Variants in PHKA1 observed in about 807,000 individuals in gnomAD.
PHKA1 encodes the protein phosphorylase kinase regulatory subunit alpha 1.
Under a neutral mutation model 110.2 loss-of-function variants are expected in PHKA1, and 60 were observed. The observed-to-expected ratio is 0.54, with a 90% CI of 0.44 to 0.68. The LOEUF (loss-of-function observed/expected upper bound fraction) is 0.68. PHKA1 is among the 30% of genes least tolerant of loss of function. The probability of loss-of-function intolerance (pLI) is 0.00; values close to 1 mark genes in which losing one functional copy is unlikely to be tolerated. For missense variants in PHKA1, 801 were observed against 942.5 expected (o/e 0.85, Z 1.97); for synonymous variants, 316 against 333.6 (o/e 0.95, Z 0.58).
chrX:72,586,296 G>A (rs782022032), intron 29 of PHKA1, among the ~76,000 whole-genome samples: 19 of 112,256 alleles, frequency 1.7e-4, no homozygotes, highest in Admixed American at 5.6e-4. Flanking sequence ...AGGGTCTGGA[G>A]GGGACCTCCA....
intron 28 of PHKA1, among the ~76,000 whole-genome samples, chrX:72,595,407 T>C: frequency 9.0e-6 from 1 of 111,064 alleles, no homozygotes; most frequent in Admixed American, 9.6e-5. Flanking sequence ...TGTCCACTCT[T>C]ATCACTTGTA....
At chrX:72,626,744 A>G (rs1170106946) in intron 17 of PHKA1, among the ~76,000 whole-genome samples, 1 of 111,571 alleles carries the variant, frequency 9.0e-6, no homozygotes, top group East Asian at 2.8e-4. Context: ...ATATACTATA[A>G]TAAAAGTTAT....
chrX:72,589,568 T>C (rs1391616119), intron 29 of PHKA1, among the ~76,000 whole-genome samples: 2 of 111,368 alleles, frequency 1.8e-5, no homozygotes, highest in African/African-American at 6.5e-5. Context: ...GTGTTGGAAG[T>C]TCTGGACAGG....
Position 72,666,199 on chromosome X carries a change from A to G in PHKA1, c.816T>C (p.Asp272=). 1 of 1,210,882 alleles carries G rather than the reference A, an allele frequency of 8.3e-7. No individual in the cohort carries two copies. The highest frequency in any genetic ancestry group is 1.1e-6 in the Non-Finnish European group (1 of 894,599). ...GTTTTGTGAGCTCCACCAACTGGCT[A>G]TCCTCTACTGCAAAGGCAGGGAAGG... is the stretch of plus-strand genomic sequence containing the variant. ...VVSFPAFAVE[D]SQLVELTKQE... is the part of the protein sequence containing the mutation. The change falls in exon 8 of 32, where the codon GAT becomes GAC. Residue 272 remains aspartate (D), a synonymous_variant. Coordinates refer to ENST00000373542, the MANE Select transcript of PHKA1 (RefSeq NM_002637.4).
rs1013412417 is a variant in PHKA1, at chrX:72,666,059, T to C, written c.864+92A>G. 3.2e-5 allele frequency: 28 copies of C among 871,149 alleles called. No homozygotes were observed. The African/African-American group carries it at 5.0e-4, about 16-fold the overall frequency. The allele number at this position is 871,149 out of a possible 1,213,427, so 71.8% of individuals were successfully genotyped here. On this transcript the variant is annotated intron_variant, in intron 8 of 31. Coordinates refer to ENST00000373542, the MANE Select transcript of PHKA1 (RefSeq NM_002637.4). ...CAGAAAACTTAAAGGTTTCTTGAAA[T>C]CACAGACACAGGTCATACTTAAGGC... is the stretch of plus-strand genomic sequence containing the variant.
At position 72,624,464 on chromosome X, in the gene PHKA1, T is replaced by C. The variant is rs58654103; in HGVS notation, c.1794-1189A>G. ...ACATCCTACATGAACTATGCCAATATGCCACAGTGACCACCTCTCAGTCAC... is the reference window on the plus strand; with the variant it reads ...ACATCCTACATGAACTATGCCAATACGCCACAGTGACCACCTCTCAGTCAC... On this transcript the variant is annotated intron_variant, in intron 17 of 31. Transcript: ENST00000373542. 0.064 allele frequency among the ~76,000 whole-genome samples: 7,091 copies of C among 111,205 alleles called. 801 individuals carry two copies. The East Asian group carries it at 0.67, about 11-fold the overall frequency.
rs1556197673 is a variant in PHKA1 at position 72,579,760 on chromosome X, A to G, written c.*1242T>C. The G allele has an allele frequency of 2.7e-5, 3 of 111,704 alleles. No individual in the cohort carries two copies. The highest frequency in any genetic ancestry group is 3.8e-5 in the Non-Finnish European group (2 of 53,177). 9.2% of individuals were successfully genotyped at this position (111,704 alleles called of 1,213,427 possible). On this transcript the variant is annotated 3_prime_UTR_variant, in exon 32 of 32. Transcript: ENST00000373542. ...TATACACACACACACACACACACAC[A>G]CATACACACACAAATATGTGTCTTT... is the stretch of plus-strand genomic sequence containing the variant.
At chrX:72,611,557 C>T (rs1211100366) in intron 21 of PHKA1, among the ~76,000 whole-genome samples, 2 of 111,566 alleles carry the variant, frequency 1.8e-5, no homozygotes, top group Non-Finnish European at 3.8e-5. Flanking sequence ...AGGATAATTT[C>T]CCTTATATAT....
At chrX:72,644,779 A>T (rs905421757) in intron 13 of PHKA1, among the ~76,000 whole-genome samples, 21 of 111,607 alleles carry the variant, frequency 1.9e-4, no homozygotes, top group African/African-American at 6.8e-4. Flanking sequence ...CTAAGATTCC[A>T]TGTTTAAATG....
intron 9 of PHKA1, 109 bp downstream of exon 9, chrX:72,657,479 T>C: frequency 1.8e-6 from 1 of 569,058 alleles, no homozygotes; most frequent in Non-Finnish European, 3.0e-6. Flanking sequence ...ATTATCCTAC[T>C]TAGTGATCTC....
chrX:72,622,443 C>G (rs1556278996), intron 18 of PHKA1: 7 of 752,155 alleles, frequency 9.3e-6, no homozygotes, highest in Non-Finnish European at 1.1e-5. Flanking sequence ...TGGCCCTTCT[C>G]TGTATGAAAT....
chrX:72,620,183 C>T (rs1259640849), intron 19 of PHKA1, among the ~76,000 whole-genome samples: 8 of 111,270 alleles, frequency 7.2e-5, no homozygotes, highest in Non-Finnish European at 1.1e-4. Flanking sequence ...CCAAGGAGCC[C>T]TTCTCTCCTT....
intron 14 of PHKA1, among the ~76,000 whole-genome samples, chrX:72,641,794 C>T (rs1264575646): frequency 1.8e-5 from 2 of 111,239 alleles, no homozygotes; most frequent in Non-Finnish European, 3.8e-5. Flanking sequence ...GAAACTGTTG[C>T]AATAATAGAA....
intron 21 of PHKA1, among the ~76,000 whole-genome samples, chrX:72,613,434 A>G (rs1417659612): frequency 3.6e-5 from 4 of 110,078 alleles, no homozygotes; most frequent in African/African-American, 6.6e-5. Context: ...TGAGAAGGGG[A>G]ACAGGGTATC....
chrX:72,659,130 G>A (rs782648646), intron 8 of PHKA1, among the ~76,000 whole-genome samples: 1 of 111,035 alleles, frequency 9.0e-6, no homozygotes, highest in Non-Finnish European at 1.9e-5. Flanking sequence ...TCATTTTTCA[G>A]TTATTTATTT....
chrX:72,713,706 A>ACC, intron 1 of PHKA1, 97 bp downstream of exon 1: 3 of 630,956 alleles, frequency 4.8e-6, no homozygotes, highest in Non-Finnish European at 7.8e-6. Context: ...ACACACCCAC[A>ACC]CACGCACGCA....
intron 5 of PHKA1, among the ~76,000 whole-genome samples, chrX:72,681,639 G>C (rs2053875593): frequency 1.2e-5 from 1 of 83,924 alleles, no homozygotes; most frequent in Non-Finnish European, 2.4e-5. Context: ...GAGCCCCTCA[G>C]CCCGGCCAGC....
intron 20 of PHKA1, 114 bp downstream of exon 20, chrX:72,619,100 G>A (rs1382979263): frequency 8.8e-6 from 5 of 565,420 alleles, no homozygotes; most frequent in Admixed American, 2.7e-5. Context: ...CACCAGAATA[G>A]CATTTTGCGT....
At chrX:72,643,242 T>C (rs12688343) in intron 14 of PHKA1, among the ~76,000 whole-genome samples, 9,879 of 110,436 alleles carry the variant, frequency 0.089, 985 homozygotes, top group East Asian at 0.67. Flanking sequence ...AAAGTACACA[T>C]ACACACATAC....
Sources: gnomAD v4.1 joint callset for allele counts (sites outside exome capture counted in the v4.1 genomes callset) on GRCh38, gnomAD v4.1.1 for gene constraint, MANE v1.5 for transcripts, NCBI Gene and HGNC (gene_info 2026-07-23, HGNC 2026-07-21) for gene names.